The following MED14 variants were observed in gnomAD, a reference collection of about 807,000 sequenced individuals.
The protein encoded by MED14 is mediator complex subunit 14.
A neutral mutation model predicts 109.0 loss-of-function variants in MED14; 8 were observed. That is an observed-to-expected ratio of 0.07 (90% CI 0.04 to 0.13). MED14 has a LOEUF of 0.13. MED14 is among the 10% of genes least tolerant of loss of function. The probability of loss-of-function intolerance (pLI) is 1.00; values close to 1 mark genes in which losing one functional copy is unlikely to be tolerated. For missense variants in MED14, 711 were observed against 1,142.4 expected, an observed-to-expected ratio of 0.62 and a Z score of 5.44; for synonymous variants, 399 against 408.7, an observed-to-expected ratio of 0.98 and a Z score of 0.29.
rs1317779054 is a variant in MED14, at chrX:40,664,410, C to T, written c.3345G>A (p.Val1115=). The T allele has an allele frequency of 8.3e-7, 1 of 1,199,367 alleles. No individual in the cohort carries two copies. Among genetic ancestry groups the T allele is most frequent in the African/African-American group, 1.7e-5 (1 of 57,319 alleles). ...RAGNWPGSPQ[V]SGPSPAARMP... ...TGCGTGCTGCTGGTGAGGGGCCAGA[C>T]ACTTGAGGAGATCCTGGCCAGTTCC... Residue 1115 remains valine (V), a synonymous_variant, in exon 25 of 31, where the codon GTG becomes GTA. Transcript: ENST00000324817.
At chrX:40,700,613 G>A (rs1278214989) in intron 12 of MED14, among the ~76,000 whole-genome samples, 1 of 110,347 alleles carries the variant, frequency 9.1e-6, no homozygotes, top group Non-Finnish European at 1.9e-5. Context: ...TTAAGAAAGA[G>A]TTTGTTAGAG....
At chrX:40,714,473 T>C (rs934040081) in intron 4 of MED14, 64 bp downstream of exon 4, 15 of 1,107,903 alleles carry the variant, frequency 1.4e-5, no homozygotes, top group Non-Finnish European at 1.7e-5. Flanking sequence ...TACTTAATAA[T>C]ACAATCCAAT....
chrX:40,709,260 A>T, intron 10 of MED14, 88 bp downstream of exon 10: 1 of 411,143 alleles, frequency 2.4e-6, no homozygotes, highest in South Asian at 1.1e-4. Flanking sequence ...CAAAATATCA[A>T]GAAAAAGTCA....
rs1304278632 is a variant in MED14 at position 40,665,248 on chromosome X, G to A, written c.3266-759C>T. Among the ~76,000 whole-genome samples the A allele has an allele frequency of 3.6e-5, 4 of 111,695 alleles. No individual in the cohort carries two copies. The East Asian group carries it at 1.1e-3, about 31-fold the overall frequency. ...ATAAGAAACACCAAAGACCGGCTAG[G>A]CACGGTGGCTCACACTTGTAATCCC... is the stretch of plus-strand genomic sequence containing the variant. On this transcript the variant is annotated intron_variant, in intron 24 of 30. Coordinates refer to ENST00000324817, the MANE Select transcript of MED14 (RefSeq NM_004229.4).
At chrX:40,672,187 C>T (rs1036306191) in intron 22 of MED14, among the ~76,000 whole-genome samples, 1 of 112,144 alleles carries the variant, frequency 8.9e-6, no homozygotes, top group East Asian at 2.8e-4. Flanking sequence ...ATAGCAACAT[C>T]CTCTTTCCCG....
intron 7 of MED14, among the ~76,000 whole-genome samples, chrX:40,711,703 A>G (rs1350053486): frequency 9.2e-6 from 1 of 108,656 alleles, no homozygotes; most frequent in Non-Finnish European, 1.9e-5. Flanking sequence ...GCTCACTGCA[A>G]CCTCTGCTTC....
At chrX:40,693,658 C>T (rs1218056430) in intron 13 of MED14, among the ~76,000 whole-genome samples, 4 of 111,385 alleles carry the variant, frequency 3.6e-5, no homozygotes, top group Non-Finnish European at 7.5e-5. Context: ...TGCTCTGCTG[C>T]CTCCCTTAAC....
At chrX:40,689,180 G>T (rs187336924) in intron 15 of MED14, among the ~76,000 whole-genome samples, 1 of 112,400 alleles carries the variant, frequency 8.9e-6, no homozygotes, top group East Asian at 2.8e-4. Context: ...GCCTTTGGCA[G>T]ATATTCCCAG....
Position 40,711,219 on chromosome X carries a change from C to T in MED14, c.972G>A (p.Val324=), listed in dbSNP as rs1222669046. ...MLIRERWGDL[V]QVERYHAGKC... ...TTCCAGCATGATACCTTTCCACCTG[C>T]ACAAGGTCTCCCCACCGTTCTCGGA... The change falls in exon 8 of 31, where the codon GTG becomes GTA. Residue 324 remains valine, a synonymous_variant. Coordinates refer to ENST00000324817, the MANE Select transcript of MED14 (RefSeq NM_004229.4). The T allele has an allele frequency of 8.3e-7, 1 of 1,210,185 alleles. No individual in the cohort carries two copies. The highest frequency in any genetic ancestry group is 3.0e-5 in the East Asian group (1 of 33,820).
At chrX:40,670,570 G>C (rs1281087624) in intron 23 of MED14, among the ~76,000 whole-genome samples, 4 of 110,147 alleles carry the variant, frequency 3.6e-5, no homozygotes, top group Non-Finnish European at 7.6e-5. Flanking sequence ...GACCATCCTG[G>C]CTAACAAGGT....
rs1928758127 is a variant in MED14, at chrX:40,648,938, A to G, written c.*2868T>C. ...CCGAATGAAAAAAAAATTCCACAAG[A>G]AACAATGAAATACACATTAACATTT... On this transcript the variant is annotated 3_prime_UTR_variant, in exon 31 of 31. Coordinates refer to ENST00000324817, the MANE Select transcript of MED14 (RefSeq NM_004229.4). 1 of 112,439 alleles carries G rather than the reference A, an allele frequency of 8.9e-6. No individual in the cohort carries two copies. Among genetic ancestry groups the G allele is most frequent in the Admixed American group, 9.4e-5 (1 of 10,624 alleles). The allele number at this position is 112,439 out of a possible 1,213,427, so 9.3% of individuals were successfully genotyped here.
chrX:40,722,844 A>G (rs1375311924), intron 3 of MED14, among the ~76,000 whole-genome samples: 1 of 111,987 alleles, frequency 8.9e-6, no homozygotes, highest in East Asian at 2.8e-4. Flanking sequence ...AAGGAAAAAA[A>G]CTTTTACCCT....
In MED14 at chrX:40,680,011, G is replaced by A. The variant is rs748879045; in HGVS notation, c.2733C>T (p.Ser911=). 4.1e-6 allele frequency: 5 copies of A among 1,208,513 alleles called. No homozygotes were observed. Among genetic ancestry groups the A allele is most frequent in the Middle Eastern group, 4.6e-4 (2 of 4,371 alleles). ...TCCTGAAGGCCAGTCTGATGTGGGT[G>A]GACGACTGTGGCAGAATGGAGAAGC... ...YQCFSILPQS[S]THIRLAFRNM... The change falls in exon 21 of 31, where the codon TCC becomes TCT. Residue 911 remains serine, a synonymous_variant. Coordinates refer to ENST00000324817, the MANE Select transcript of MED14 (RefSeq NM_004229.4).
At chrX:40,655,553 C>T (rs757736627) in intron 28 of MED14, among the ~76,000 whole-genome samples, 2 of 112,219 alleles carry the variant, frequency 1.8e-5, no homozygotes, top group East Asian at 5.6e-4. Context: ...AGGACCAACA[C>T]CTAGCATTCA....
At chrX:40,682,567 TA>T in intron 18 of MED14, 35 bp downstream of exon 18, 1 of 1,070,190 alleles carries the variant, frequency 9.3e-7, no homozygotes, top group Non-Finnish European at 1.2e-6. Context: ...TTTTTTTTTT[TA>T]ATTTATTTAA....
Position 40,648,345 on chromosome X carries a change from A to C in MED14, c.*3461T>G, listed in dbSNP as rs1928738908. On this transcript the variant is annotated 3_prime_UTR_variant, in exon 31 of 31. Coordinates refer to ENST00000324817, the MANE Select transcript of MED14 (RefSeq NM_004229.4). ...TTTAATGAGCTTTCTGAGCTTGGAA[A>C]ACATGTCAAAATTGTGTGTAGTTAA... The C allele has an allele frequency of 8.9e-6, 1 of 111,796 alleles. No individual in the cohort carries two copies. The highest frequency in any genetic ancestry group is 1.9e-5 in the Non-Finnish European group (1 of 53,183). 9.2% of individuals were successfully genotyped at this position (111,796 alleles called of 1,213,427 possible). A position where few individuals can be genotyped will look rare whatever the true frequency, so the allele number is the denominator to read the frequency against.
Position 40,692,106 on chromosome X carries a change from C to T in MED14, c.1980+77G>A. On this transcript the variant is annotated intron_variant, in intron 15 of 30. Coordinates refer to ENST00000324817, the MANE Select transcript of MED14 (RefSeq NM_004229.4). The stretch of plus-strand genomic sequence containing the variant: ...AACATTCTGCTTTTCCTAATGGAAT[C>T]TATATATACCCTCAGCAACACATTT... 3 of 943,450 alleles carry T rather than the reference C, an allele frequency of 3.2e-6. No individual in the cohort carries two copies. In the Admixed American group the frequency reaches 8.2e-5, roughly 26 times the overall value. 77.8% of individuals were successfully genotyped at this position (943,450 alleles called of 1,213,427 possible).
intron 12 of MED14, 86 bp from the exon 13 acceptor site, chrX:40,697,269 T>A: frequency 1.9e-6 from 1 of 531,385 alleles, no homozygotes; most frequent in Non-Finnish European, 3.0e-6. Context: ...TTAAAGACCA[T>A]TAAAAAAACA....
intron 24 of MED14, 65 bp from the exon 25 acceptor site, chrX:40,664,554 G>A (rs1929410436): frequency 1.4e-6 from 1 of 735,325 alleles, no homozygotes; most frequent in Admixed American, 5.6e-5. Flanking sequence ...TTATTTGACA[G>A]CATTCAAATC....
Sources: gnomAD v4.1 joint callset for allele counts (sites outside exome capture counted in the v4.1 genomes callset) on GRCh38, gnomAD v4.1.1 for gene constraint, MANE v1.5 for transcripts, NCBI Gene and HGNC (gene_info 2026-07-23, HGNC 2026-07-21) for gene names.